SH3PXD2B: variants seen among roughly 807,000 people sequenced by gnomAD.
SH3PXD2B encodes the protein SH3 and PX domains 2B, also known as SH3 and PX domain-containing protein 2B.
In SH3PXD2B, 37 loss-of-function variants were observed where a neutral mutation model predicts 73.1. The ratio of observed to expected loss-of-function variants is 0.51; its 90% confidence interval spans 0.39 to 0.67. SH3PXD2B has a LOEUF of 0.67. Ranked by LOEUF, SH3PXD2B falls within the 30% of genes least tolerant of loss-of-function variation. The probability of loss-of-function intolerance (pLI) is 0.00; values close to 1 mark genes in which losing one functional copy is unlikely to be tolerated. For synonymous variants in SH3PXD2B, 457 were observed against 480.5 expected (o/e 0.95, Z 0.64); for missense variants, 1,053 against 1,197.8 (o/e 0.88, Z 1.78).
At chr5:172,417,748 C>T (rs909112872) in intron 2 of SH3PXD2B, among the ~76,000 whole-genome samples, 3 of 152,112 alleles carry the variant, frequency 2.0e-5, no homozygotes, top group East Asian at 1.9e-4. Context: ...GCTTGGTGCT[C>T]GACAGCCTAG....
chr5:172,393,690 C>T (rs1758236558), intron 4 of SH3PXD2B, among the ~76,000 whole-genome samples: 1 of 152,182 alleles, frequency 6.6e-6, no homozygotes, highest in African/African-American at 2.4e-5. Flanking sequence ...TACCCCTCTC[C>T]CATCAGAATC....
chr5:172,451,901 G>T (rs1327391451), intron 1 of SH3PXD2B, among the ~76,000 whole-genome samples: 4 of 152,208 alleles, frequency 2.6e-5, no homozygotes, highest in Non-Finnish European at 4.4e-5. Flanking sequence ...CTTCAGTTCA[G>T]CCCATTGCCC....
chr5:172,340,433 T>G (rs1034079405), intron 12 of SH3PXD2B, among the ~76,000 whole-genome samples: 2 of 152,058 alleles, frequency 1.3e-5, no homozygotes, highest in Non-Finnish European at 2.9e-5. Context: ...CAGGGACCTG[T>G]GTGTAGGCGC....
chr5:172,422,698 G>C (rs1759000057), intron 1 of SH3PXD2B, among the ~76,000 whole-genome samples: 1 of 152,250 alleles, frequency 6.6e-6, no homozygotes, highest in South Asian at 2.1e-4. Flanking sequence ...CAACAGAGTT[G>C]TGCAAAGGAT....
At chr5:172,398,785 T>TG (rs1273062821) in intron 3 of SH3PXD2B, among the ~76,000 whole-genome samples, 6 of 152,236 alleles carry the variant, frequency 3.9e-5, no homozygotes, top group Admixed American at 6.5e-5. Context: ...TTCTACACCA[T>TG]GGGGAGATTC....
At chr5:172,420,236 G>A (rs1309214275) in intron 2 of SH3PXD2B, among the ~76,000 whole-genome samples, 1 of 152,190 alleles carries the variant, frequency 6.6e-6, no homozygotes, top group African/African-American at 2.4e-5. Context: ...CAGAGCAGAA[G>A]CAAAAATATA....
chr5:172,366,945 TTTTTTTTTG>T (rs1156939991), intron 6 of SH3PXD2B, among the ~76,000 whole-genome samples: 8 of 129,786 alleles, frequency 6.2e-5, no homozygotes, highest in South Asian at 2.6e-4. Context: ...TTTTTTTTTT[TTTTTTTTTG>T]GGGACAGAGT....
intron 6 of SH3PXD2B, among the ~76,000 whole-genome samples, chr5:172,369,989 G>A (rs1757666087): frequency 6.6e-6 from 1 of 152,020 alleles, no homozygotes; most frequent in African/African-American, 2.4e-5. Flanking sequence ...GCACCTAGTA[G>A]GTGTTTAAAT....
intron 4 of SH3PXD2B, among the ~76,000 whole-genome samples, chr5:172,389,490 A>C (rs1758130043): frequency 6.6e-6 from 1 of 151,504 alleles, no homozygotes; most frequent in African/African-American, 2.4e-5. Context: ...CCTCATCTAC[A>C]CAATGGGAAT....
In SH3PXD2B at chr5:172,339,517, T is replaced by C. The variant is rs974799797; in HGVS notation, c.1588A>G (p.Ile530Val). 2.5e-6 allele frequency: 4 copies of C among 1,614,002 alleles called. No homozygotes were observed. The highest frequency in any genetic ancestry group is 2.5e-6 in the Non-Finnish European group (3 of 1,180,008). Residue 530 changes from isoleucine to valine, a missense_variant, in exon 13 of 13, where the codon ATC becomes GTC. Around this residue, in one of 2 missense-constraint regions of SH3PXD2B, gnomAD observed 587 missense variants for 590.7 expected, o/e 0.99. Coordinates refer to ENST00000311601, the MANE Select transcript of SH3PXD2B (RefSeq NM_001017995.3). This position sits in a 1 kb window ranked among gnomAD's most constrained non-coding sequence, Gnocchi z 6.1. Reference sequence around the variant, plus strand: ...TCCAGCAGCTCCCCCTCCGACTTGATGATGGATTCTTTCCGCGGAGGGAGG... The same window carrying C: ...TCCAGCAGCTCCCCCTCCGACTTGACGATGGATTCTTTCCGCGGAGGGAGG... Reference protein sequence around the residue: ...PSLPPRKESIIKSEGELLERE... With the variant: ...PSLPPRKESIVKSEGELLERE...
chr5:172,335,677 T>C lies in SH3PXD2B; in HGVS notation c.*2692A>G. ...CATGACTCCAGGGGAGTTCTGCATA[T>C]GCGCCATCAATCGCTCACAGAATAG... On this transcript the variant is annotated 3_prime_UTR_variant, in exon 13 of 13. Coordinates refer to ENST00000311601, the MANE Select transcript of SH3PXD2B (RefSeq NM_001017995.3). 8.1e-7 allele frequency: 1 copy of C among 1,231,772 alleles called. No individual in the cohort carries two copies. The highest frequency in any genetic ancestry group is 1.0e-6 in the Non-Finnish European group (1 of 987,996). The allele number at this position is 1,231,772 out of a possible 1,614,324, so 76.3% of individuals were successfully genotyped here.
chr5:172,330,030 A>G, downstream of SH3PXD2B, among the ~76,000 whole-genome samples: 1 of 152,152 alleles, frequency 6.6e-6, no homozygotes, highest in East Asian at 1.9e-4. Flanking sequence ...CCCTTATCCA[A>G]AATGCTTAGG....
chr5:172,450,228 G>GT lies in SH3PXD2B; in HGVS notation c.75+4049dup, dbSNP rs572065068. ...ATGTAAATTATACCTCAAGAAAGCT[G>GT]TTAAAAAAAATCCTATCTATTAGTC... On this transcript the variant is annotated intron_variant, in intron 1 of 12. Transcript: ENST00000311601. Among the ~76,000 whole-genome samples the GT allele has an allele frequency of 5.5e-3, 831 of 150,938 alleles. 13 individuals carry two copies. Among genetic ancestry groups the GT allele is most frequent in the African/African-American group, 0.019 (798 of 41,026 alleles).
intron 5 of SH3PXD2B, among the ~76,000 whole-genome samples, chr5:172,376,571 A>G (rs972323601): frequency 6.6e-6 from 1 of 152,228 alleles, no homozygotes; most frequent in African/African-American, 2.4e-5. Flanking sequence ...GCCCAAGAGC[A>G]GGGGCTACAG....
intron 7 of SH3PXD2B, among the ~76,000 whole-genome samples, chr5:172,361,660 G>C (rs1205418134): frequency 6.6e-6 from 1 of 152,216 alleles, no homozygotes; most frequent in African/African-American, 2.4e-5. Context: ...AGGGGCTGCT[G>C]GAGTTGGTTT....
chr5:172,355,857 C>T (rs1164458862), intron 8 of SH3PXD2B, among the ~76,000 whole-genome samples: 1 of 152,116 alleles, frequency 6.6e-6, no homozygotes, highest in Non-Finnish European at 1.5e-5. Context: ...GATGGATTTT[C>T]TATCACCCGA....
intron 2 of SH3PXD2B, among the ~76,000 whole-genome samples, chr5:172,420,342 CACTT>C (rs1158225078): frequency 6.6e-6 from 1 of 152,184 alleles, no homozygotes; most frequent in Non-Finnish European, 1.5e-5. Context: ...ACTGGTGTCT[CACTT>C]GCTTTATATT....
At chr5:172,386,773 G>A (rs1023029525) in intron 4 of SH3PXD2B, among the ~76,000 whole-genome samples, 3 of 152,148 alleles carry the variant, frequency 2.0e-5, no homozygotes, top group East Asian at 1.9e-4. Flanking sequence ...GGTTACAGGC[G>A]TGCACCACCA....
At position 172,334,725 on chromosome 5, in the gene SH3PXD2B, C is replaced by G. The variant is rs913728096; in HGVS notation, c.*3644G>C. 4.1e-6 allele frequency: 4 copies of G among 985,370 alleles called. No homozygotes were observed. In the African/African-American group the frequency reaches 7.0e-5, roughly 17 times the overall value. The allele number at this position is 985,370 out of a possible 1,614,324, so 61.0% of individuals were successfully genotyped here. A position where few individuals can be genotyped will look rare whatever the true frequency, so the allele number is the denominator to read the frequency against. On this transcript the variant is annotated 3_prime_UTR_variant, in exon 13 of 13. Coordinates refer to ENST00000311601, the MANE Select transcript of SH3PXD2B (RefSeq NM_001017995.3). ...GGAGCAGTTTCTTCTTTTTCCCACT[C>G]TGTGCTGGGTACTTGGGAGAGGCGA...
Sources: allele counts gnomAD v4.1 joint callset (sites outside exome capture counted in the v4.1 genomes callset), GRCh38; gene constraint gnomAD v4.1.1; regional missense constraint gnomAD v4.1.1; non-coding constraint Gnocchi (gnomAD v3.1); transcripts MANE v1.5; gene names NCBI Gene and HGNC (gene_info 2026-07-23, HGNC 2026-07-21).